Variants in MPHOSPH9 observed in about 807,000 individuals in gnomAD.
MPHOSPH9 encodes M-phase phosphoprotein 9.
In MPHOSPH9, 88 loss-of-function variants were observed where a neutral mutation model predicts 145.5. That is an observed-to-expected ratio of 0.60 (90% CI 0.51 to 0.72). The LOEUF (loss-of-function observed/expected upper bound fraction) is 0.72, where lower values mean the gene tolerates loss of function less well. MPHOSPH9 is among the 30% of genes least tolerant of loss of function. The probability of loss-of-function intolerance (pLI) is 0.00; values close to 1 mark genes in which losing one functional copy is unlikely to be tolerated. For missense variants in MPHOSPH9, 1,238 were observed against 1,386.6 expected, an observed-to-expected ratio of 0.89 and a Z score of 1.70; for synonymous variants, 435 against 486.2, an observed-to-expected ratio of 0.89 and a Z score of 1.39.
At chr12:123,173,360 T>G (rs1031704971) in intron 16 of MPHOSPH9, among the ~76,000 whole-genome samples, 10 of 152,174 alleles carry the variant, frequency 6.6e-5, no homozygotes, top group Non-Finnish European at 1.5e-4. Context: ...GCTCATAACT[T>G]TCATATCCCT....
intron 8 of MPHOSPH9, among the ~76,000 whole-genome samples, chr12:123,205,066 G>A (rs915029959): frequency 6.6e-6 from 1 of 152,144 alleles, no homozygotes; most frequent in Non-Finnish European, 1.5e-5. Context: ...TTTAAACTGT[G>A]AACACTGTCA....
At chr12:123,169,179 G>A (rs910943351) in intron 16 of MPHOSPH9, among the ~76,000 whole-genome samples, 10 of 150,924 alleles carry the variant, frequency 6.6e-5, no homozygotes, top group East Asian at 2.1e-4. Context: ...GAGCCACTGC[G>A]CCCGGCCCAG....
intron 13 of MPHOSPH9, among the ~76,000 whole-genome samples, chr12:123,187,612 T>C (rs1158818874): frequency 2.0e-5 from 3 of 152,168 alleles, no homozygotes; most frequent in Admixed American, 6.6e-5. Context: ...ACACTTGTTA[T>C]AAAATACTAA....
intron 2 of MPHOSPH9, among the ~76,000 whole-genome samples, chr12:123,228,160 A>G (rs1272717935): frequency 6.6e-6 from 1 of 152,176 alleles, no homozygotes; most frequent in African/African-American, 2.4e-5. Context: ...GTAAAACAGC[A>G]CTGAGTTTTT....
In MPHOSPH9 at chr12:123,156,922, A is replaced by G. The variant is rs760293464; in HGVS notation, c.3451-14T>C. ...TTCCAAGGCTTCCTAGGTGAAAACAATGGGAAAAGTTTAATTAGAATTCTA... is the reference window on the plus strand; with the variant it reads ...TTCCAAGGCTTCCTAGGTGAAAACAGTGGGAAAAGTTTAATTAGAATTCTA... On this transcript the variant is annotated splice_polypyrimidine_tract_variant and intron_variant, in intron 23 of 23. Coordinates refer to ENST00000606320, the MANE Select transcript of MPHOSPH9 (RefSeq NM_022782.4). The G allele has an allele frequency of 5.0e-6, 8 of 1,586,668 alleles. No individual in the cohort carries two copies. In the Admixed American group the frequency reaches 1.3e-4, roughly 27 times the overall value.
intron 16 of MPHOSPH9, among the ~76,000 whole-genome samples, chr12:123,171,960 A>G (rs1205651474): frequency 1.3e-5 from 2 of 152,168 alleles, no homozygotes; most frequent in African/African-American, 4.8e-5. Flanking sequence ...CATTTATACT[A>G]AATTTGTGTT....
At chr12:123,215,113 G>A (rs1047241945) in intron 6 of MPHOSPH9, among the ~76,000 whole-genome samples, 1 of 152,128 alleles carries the variant, frequency 6.6e-6, no homozygotes, top group Non-Finnish European at 1.5e-5. Context: ...GCAGTGGCGG[G>A]TGCCTATAAT....
intron 23 of MPHOSPH9, among the ~76,000 whole-genome samples, chr12:123,158,146 TG>T (rs1199402898): frequency 6.6e-6 from 1 of 152,080 alleles, no homozygotes; most frequent in Non-Finnish European, 1.5e-5. Context: ...CCCACCACCA[TG>T]CCCGGCTCAT....
intron 3 of MPHOSPH9, chr12:123,226,247 T>A: frequency 1.2e-6 from 1 of 814,254 alleles, no homozygotes; most frequent in Non-Finnish European, 1.5e-6. Context: ...AATACTTTTT[T>A]ATAATTTCAA....
chr12:123,227,402 A>T, intron 3 of MPHOSPH9, 61 bp downstream of exon 3: 2 of 1,225,214 alleles, frequency 1.6e-6, no homozygotes, highest in Non-Finnish European at 2.2e-6. Context: ...TTTAGAGTTT[A>T]GTAGAGGTAT....
intron 13 of MPHOSPH9, among the ~76,000 whole-genome samples, chr12:123,185,243 T>G (rs924685304): frequency 2.0e-5 from 3 of 151,718 alleles, no homozygotes; most frequent in African/African-American, 7.3e-5. Flanking sequence ...AGCCATAATA[T>G]TCTCAAAGAA....
chr12:123,167,350 T>C (rs1593074800), intron 16 of MPHOSPH9, among the ~76,000 whole-genome samples: 1 of 152,166 alleles, frequency 6.6e-6, no homozygotes, highest in African/African-American at 2.4e-5. Context: ...AAAATGGAGC[T>C]GGGAGGCACA....
intron 8 of MPHOSPH9, among the ~76,000 whole-genome samples, chr12:123,204,234 G>A (rs1284474235): frequency 6.6e-6 from 1 of 152,006 alleles, no homozygotes; most frequent in African/African-American, 2.4e-5. Context: ...CCTGGAAGGC[G>A]GAGGTTGTGG....
At chr12:123,173,904 C>T (rs554746014) in intron 16 of MPHOSPH9, among the ~76,000 whole-genome samples, 1 of 152,294 alleles carries the variant, frequency 6.6e-6, no homozygotes, top group African/African-American at 2.4e-5. Flanking sequence ...GCTGTGGGAA[C>T]CTCAACTTGA....
chr12:123,233,200 G>C (rs968048384), upstream of MPHOSPH9: 8 of 152,130 alleles, frequency 5.3e-5, no homozygotes, highest in Non-Finnish European at 1.2e-4. Flanking sequence ...GGCGGAGACA[G>C]CCTCGCATGG....
Position 123,222,962 on chromosome 12 carries a change from A to ATG in MPHOSPH9, c.348+74_348+75dup, listed in dbSNP as rs144990491. 29,552 of 705,200 alleles carry ATG rather than the reference A, an allele frequency of 0.042. 3,994 individuals carry two copies. In the African/African-American group the frequency reaches 0.42, roughly 10 times the overall value. 43.7% of individuals were successfully genotyped at this position (705,200 alleles called of 1,614,324 possible). On this transcript the variant is annotated intron_variant, in intron 4 of 23. Coordinates refer to ENST00000606320, the MANE Select transcript of MPHOSPH9 (RefSeq NM_022782.4). ...TATATATGTGTGTGTGTATATATAT[A>ATG]TGTGTGTGTGTGTGTGTGTATATGT...
intron 18 of MPHOSPH9, among the ~76,000 whole-genome samples, chr12:123,164,431 T>C (rs975966395): frequency 6.6e-6 from 1 of 152,128 alleles, no homozygotes; most frequent in Non-Finnish European, 1.5e-5. Context: ...GCTTGGGAGA[T>C]GTAACCGCAA....
In MPHOSPH9 at chr12:123,243,653, C is replaced by A. The variant is rs529776120; in HGVS notation, c.-159+200G>T. The stretch of plus-strand genomic sequence containing the variant: ...CCAGGAGGCGGAGGTTGCAGGGAGC[C>A]GAGATCGCGCCACTGTACTCCACCC... On this transcript the variant is annotated intron_variant, in intron 1 of 2. Transcript: ENST00000545406. Among the ~76,000 whole-genome samples, 672 of 152,048 alleles carry A rather than the reference C, an allele frequency of 4.4e-3. 7 individuals are homozygous for A. The highest frequency in any genetic ancestry group is 0.015 in the African/African-American group (618 of 41,448).
intron 16 of MPHOSPH9, among the ~76,000 whole-genome samples, chr12:123,174,882 C>T (rs1335517544): frequency 1.3e-5 from 2 of 152,118 alleles, no homozygotes; most frequent in African/African-American, 4.8e-5. Context: ...CCAACACCTC[C>T]CTTTCTTACC....
Sources: allele counts gnomAD v4.1 joint callset (sites outside exome capture counted in the v4.1 genomes callset), GRCh38; gene constraint gnomAD v4.1.1; transcripts MANE v1.5; gene names NCBI Gene and HGNC (gene_info 2026-07-23, HGNC 2026-07-21).